The following TTC28 variants were observed in gnomAD, a reference collection of about 807,000 sequenced individuals.
TTC28 encodes tetratricopeptide repeat protein 28.
Under a neutral mutation model 198.0 loss-of-function variants are expected in TTC28, and 61 were observed. That is an observed-to-expected ratio of 0.31 (90% CI 0.25 to 0.38). The LOEUF is 0.38. Among genes scored for constraint, TTC28 ranks in the 10% least tolerant of loss-of-function variants. The pLI, the probability that TTC28 is intolerant of heterozygous loss-of-function variation, is 1.00. For synonymous variants in TTC28, 1,171 were observed against 1,297.8 expected (o/e 0.90, Z 2.10); for missense variants, 2,678 against 3,164.0 (o/e 0.85, Z 3.69).
chr22:28,561,854 C>T (rs1251901881), intron 2 of TTC28, among the ~76,000 whole-genome samples: 1 of 152,140 alleles, frequency 6.6e-6, no homozygotes, highest in Non-Finnish European at 1.5e-5. Context: ...TGATTAATCT[C>T]CTTGCCATAT....
chr22:28,655,003 T>C (rs1489863979), intron 1 of TTC28, among the ~76,000 whole-genome samples: 1 of 152,244 alleles, frequency 6.6e-6, no homozygotes, highest in African/African-American at 2.4e-5. Context: ...AGATTAAATA[T>C]GGTTAGTTCA....
intron 4 of TTC28, among the ~76,000 whole-genome samples, chr22:28,296,826 T>C (rs191017466): frequency 1.2e-3 from 188 of 152,308 alleles, no homozygotes; most frequent in African/African-American, 4.4e-3. Flanking sequence ...CATACTTATT[T>C]TACAAATGAA....
chr22:28,557,063 A>G (rs917435694), intron 2 of TTC28, among the ~76,000 whole-genome samples: 4 of 152,186 alleles, frequency 2.6e-5, no homozygotes, highest in African/African-American at 9.6e-5. Flanking sequence ...TGAGGACAAT[A>G]TAAGGGTGTG....
chr22:28,371,509 C>CAAAAAA (rs1229801209), intron 2 of TTC28, among the ~76,000 whole-genome samples: 273 of 6,096 alleles, frequency 0.045, 66 homozygotes, highest in African/African-American at 0.12. Context: ...GACCCTGTCT[C>CAAAAAA]AAAAAAAAAA....
intron 2 of TTC28, among the ~76,000 whole-genome samples, chr22:28,547,265 A>G (rs934854780): frequency 2.0e-5 from 3 of 152,046 alleles, no homozygotes; most frequent in African/African-American, 4.8e-5. Flanking sequence ...GGAACATGGC[A>G]GTAATGCTAC....
At chr22:28,017,304 C>T (rs1003426244) in intron 13 of TTC28, among the ~76,000 whole-genome samples, 2 of 152,214 alleles carry the variant, frequency 1.3e-5, no homozygotes, top group Non-Finnish European at 2.9e-5. Context: ...GTGGCGCTAA[C>T]CCATCCCACA....
intron 2 of TTC28, among the ~76,000 whole-genome samples, chr22:28,332,064 G>C (rs1445734705): frequency 6.6e-6 from 1 of 152,030 alleles, no homozygotes; most frequent in Non-Finnish European, 1.5e-5. Flanking sequence ...CAGAGAAGTA[G>C]CTCTGATTCT....
intron 5 of TTC28, among the ~76,000 whole-genome samples, chr22:28,247,731 T>G (rs1930210874): frequency 6.6e-6 from 1 of 152,164 alleles, no homozygotes; most frequent in African/African-American, 2.4e-5. Flanking sequence ...GAGAAAGGCC[T>G]TGTCAACAAA....
chr22:28,606,050 C>T (rs1429687079), intron 2 of TTC28, among the ~76,000 whole-genome samples: 2 of 151,284 alleles, frequency 1.3e-5, no homozygotes, highest in Non-Finnish European at 2.9e-5. Context: ...CAAAACATCA[C>T]ATTGTACTCC....
chr22:27,981,957 TAAAC>T lies in TTC28; in HGVS notation c.*260_*263del, dbSNP rs1175544394. ...AGATGAGAAGCAGGGAGTTCAAAGGTAAACAAACATTTGGTGAAGTGTGTAGGAA... is the reference window on the plus strand; with the variant it reads ...AGATGAGAAGCAGGGAGTTCAAAGGTAAACATTTGGTGAAGTGTGTAGGAA... On this transcript the variant is annotated 3_prime_UTR_variant, in exon 23 of 23. Transcript: ENST00000397906. 3 of 394,766 alleles carry T rather than the reference TAAAC, an allele frequency of 7.6e-6. No individual in the cohort carries two copies. Among genetic ancestry groups the T allele is most frequent in the Non-Finnish European group, 1.3e-5 (3 of 223,766 alleles). The allele number at this position is 394,766 out of a possible 1,614,324, so 24.5% of individuals were successfully genotyped here. A position where few individuals can be genotyped will look rare whatever the true frequency, so the allele number is the denominator to read the frequency against.
intron 12 of TTC28, among the ~76,000 whole-genome samples, chr22:28,065,513 A>G (rs1940715572): frequency 6.6e-6 from 1 of 152,152 alleles, no homozygotes; most frequent in Non-Finnish European, 1.5e-5. Flanking sequence ...TTTTTCATTT[A>G]AGAAAACACC....
chr22:28,567,747 A>T (rs1749062184), intron 2 of TTC28, among the ~76,000 whole-genome samples: 1 of 151,930 alleles, frequency 6.6e-6, no homozygotes, highest in Non-Finnish European at 1.5e-5. Flanking sequence ...GGAATAAATA[A>T]AGAATGAAGA....
At chr22:28,280,935 C>T (rs191833409) in intron 5 of TTC28, among the ~76,000 whole-genome samples, 86 of 152,070 alleles carry the variant, frequency 5.7e-4, no homozygotes, top group African/African-American at 1.9e-3. Context: ...TTCTGGTCTC[C>T]ATTATTTCTG....
intron 6 of TTC28, among the ~76,000 whole-genome samples, chr22:28,112,002 T>C (rs1942493380): frequency 6.6e-6 from 1 of 152,188 alleles, no homozygotes; most frequent in South Asian, 2.1e-4. Context: ...CACAGGACTC[T>C]AAGCCAGAAG....
chr22:28,052,354 C>G (rs1275988422), intron 12 of TTC28, among the ~76,000 whole-genome samples: 1 of 152,130 alleles, frequency 6.6e-6, no homozygotes, highest in Non-Finnish European at 1.5e-5. Context: ...CAAGGTAGAT[C>G]CTACTATTAT....
chr22:28,501,375 T>C (rs1411666884), intron 2 of TTC28, among the ~76,000 whole-genome samples: 1 of 152,006 alleles, frequency 6.6e-6, no homozygotes, highest in Non-Finnish European at 1.5e-5. Context: ...AGTGTAAAAG[T>C]AGAAAATGGT....
intron 5 of TTC28, among the ~76,000 whole-genome samples, chr22:28,237,527 T>C (rs1213606328): frequency 6.6e-6 from 1 of 152,236 alleles, no homozygotes; most frequent in African/African-American, 2.4e-5. Context: ...TGTACTTTCA[T>C]TTCTCCCTCT....
At chr22:28,504,306 A>C (rs2048573644) in intron 2 of TTC28, among the ~76,000 whole-genome samples, 1 of 152,144 alleles carries the variant, frequency 6.6e-6, no homozygotes, top group Non-Finnish European at 1.5e-5. Context: ...ATCACAAGTA[A>C]TTTTGAGTTA....
chr22:28,348,067 C>A (rs1037610243), intron 2 of TTC28, among the ~76,000 whole-genome samples: 1 of 152,230 alleles, frequency 6.6e-6, no homozygotes, highest in Non-Finnish European at 1.5e-5. Flanking sequence ...CTTCCTTCTA[C>A]TGTTCCAAGT....
Sources: gnomAD v4.1 joint callset for allele counts (sites outside exome capture counted in the v4.1 genomes callset) on GRCh38, gnomAD v4.1.1 for gene constraint, MANE v1.5 for transcripts, NCBI Gene and HGNC (gene_info 2026-07-23, HGNC 2026-07-21) for gene names.